Variants in SNTG1 observed in about 807,000 individuals in gnomAD.
The protein encoded by SNTG1 is syntrophin gamma 1.
In SNTG1, 39 loss-of-function variants were observed where a neutral mutation model predicts 74.7. The observed-to-expected ratio is 0.52, with a 90% CI of 0.40 to 0.68. The LOEUF is 0.68. Among genes scored for constraint, SNTG1 ranks in the 30% least tolerant of loss-of-function variants. The pLI is 0.00. For synonymous variants in SNTG1, 254 were observed against 217.1 expected (o/e 1.17, Z -1.49); for missense variants, 685 against 609.5 (o/e 1.12, Z -1.30).
At chr8:50,725,312 C>G (rs1290995988) in intron 17 of SNTG1, among the ~76,000 whole-genome samples, 1 of 152,134 alleles carries the variant, frequency 6.6e-6, no homozygotes, top group African/African-American at 2.4e-5. Context: ...TGTGCAATTG[C>G]ATACTTCTTA....
At chr8:50,380,395 G>T (rs957951323) in intron 2 of SNTG1, among the ~76,000 whole-genome samples, 1 of 152,170 alleles carries the variant, frequency 6.6e-6, no homozygotes, top group Non-Finnish European at 1.5e-5. Flanking sequence ...CACACAAAGA[G>T]ATAGGAGATA....
At chr8:50,276,855 TGA>T (rs1191293749) in intron 2 of SNTG1, among the ~76,000 whole-genome samples, 1 of 152,086 alleles carries the variant, frequency 6.6e-6, no homozygotes, top group African/African-American at 2.4e-5. Flanking sequence ...TTCTTTTTTT[TGA>T]GATGGAGTCT....
Position 50,002,286 on chromosome 8 carries a change from A to AT in SNTG1, c.-103+90062dup, listed in dbSNP as rs993278508. On this transcript the variant is annotated intron_variant, in intron 1 of 18. Coordinates refer to ENST00000642720, the MANE Select transcript of SNTG1 (RefSeq NM_018967.5). ...TTTAGCCATCGGCATAGTCCACTGTATTTTTTTCTTTCTGATTTTCCTTAA... is the reference window on the plus strand; with the variant it reads ...TTTAGCCATCGGCATAGTCCACTGTATTTTTTTTCTTTCTGATTTTCCTTAA... 3.1e-4 allele frequency among the ~76,000 whole-genome samples: 47 copies of AT among 152,036 alleles called. 1 individual carries two copies. Among genetic ancestry groups the AT allele is most frequent in the African/African-American group, 1.0e-3 (43 of 41,474 alleles).
At chr8:49,940,000 G>A (rs1808537451) in intron 1 of SNTG1, among the ~76,000 whole-genome samples, 1 of 152,164 alleles carries the variant, frequency 6.6e-6, no homozygotes, top group African/African-American at 2.4e-5. Flanking sequence ...ATACATGAGA[G>A]GATATTTGAA....
intron 2 of SNTG1, among the ~76,000 whole-genome samples, chr8:50,174,323 A>T (rs1586585780): frequency 6.6e-6 from 1 of 152,164 alleles, no homozygotes; most frequent in Non-Finnish European, 1.5e-5. Context: ...TTTATAGCAG[A>T]ATGATTCCTA....
chr8:50,163,582 T>C (rs948156979), intron 1 of SNTG1: 5 of 151,932 alleles, frequency 3.3e-5, no homozygotes, highest in African/African-American at 1.2e-4. Context: ...GTTCAAGTGA[T>C]TCTCCTGCCA....
chr8:50,631,935 T>G (rs559883887), intron 13 of SNTG1, among the ~76,000 whole-genome samples: 1 of 152,246 alleles, frequency 6.6e-6, no homozygotes, highest in Non-Finnish European at 1.5e-5. Context: ...ACGTCTGCTA[T>G]ATTTTACTAG....
rs114304562 is a variant in SNTG1, at chr8:50,434,838, T to C, written c.163-3705T>C. Among the ~76,000 whole-genome samples, 1,021 of 152,288 alleles carry C rather than the reference T, an allele frequency of 6.7e-3. 16 individuals carry two copies. Among genetic ancestry groups the C allele is most frequent in the African/African-American group, 0.024 (977 of 41,566 alleles). The stretch of plus-strand genomic sequence containing the variant: ...CTCTATTTTCTTTCCATTATTGTTC[T>C]ACAAACAATAATGTATTGGTTTCTG... On this transcript the variant is annotated intron_variant, in intron 4 of 18. Transcript: ENST00000642720.
intron 2 of SNTG1, among the ~76,000 whole-genome samples, chr8:50,366,344 G>A (rs888343656): frequency 1.3e-5 from 2 of 152,110 alleles, no homozygotes; most frequent in Non-Finnish European, 2.9e-5. Flanking sequence ...TTACCCAATA[G>A]CCTTTTTACT....
intron 9 of SNTG1, among the ~76,000 whole-genome samples, chr8:50,514,637 G>C (rs560098845): frequency 6.6e-6 from 1 of 152,078 alleles, no homozygotes; most frequent in African/African-American, 2.4e-5. Flanking sequence ...GATTTGTTTT[G>C]TGACCACATA....
intron 13 of SNTG1, among the ~76,000 whole-genome samples, chr8:50,593,717 C>CTTTTTTTTTT (rs1183759564): frequency 2.4e-4 from 33 of 136,058 alleles, no homozygotes; most frequent in African/African-American, 8.7e-4. Context: ...TGATTTGGTT[C>CTTTTTTTTTT]TTTTTTTTTT....
At chr8:50,089,260 A>G (rs2079619106) in intron 1 of SNTG1, among the ~76,000 whole-genome samples, 1 of 152,194 alleles carries the variant, frequency 6.6e-6, no homozygotes, top group South Asian at 2.1e-4. Context: ...TTAATTCAAG[A>G]TGGATTAAAG....
intron 2 of SNTG1, among the ~76,000 whole-genome samples, chr8:50,370,931 T>G (rs1047223008): frequency 6.6e-6 from 1 of 152,192 alleles, no homozygotes; most frequent in Non-Finnish European, 1.5e-5. Flanking sequence ...ATGATCTCCC[T>G]AAGCTGAGAT....
intron 1 of SNTG1, among the ~76,000 whole-genome samples, chr8:49,975,098 G>C (rs1029381821): frequency 1.3e-5 from 2 of 152,122 alleles, no homozygotes; most frequent in African/African-American, 4.8e-5. Context: ...GCGAATCATG[G>C]CTCTCTTCCA....
intron 5 of SNTG1, among the ~76,000 whole-genome samples, chr8:50,441,942 A>G (rs1234562154): frequency 6.6e-6 from 1 of 152,236 alleles, no homozygotes. Flanking sequence ...TAAAAGGTAA[A>G]GACCAAAATT....
chr8:50,718,901 TGAG>T (rs1398320843), intron 17 of SNTG1, among the ~76,000 whole-genome samples: 2 of 152,194 alleles, frequency 1.3e-5, no homozygotes. Flanking sequence ...CAGACAACCT[TGAG>T]GAGAACAGAG....
intron 1 of SNTG1, among the ~76,000 whole-genome samples, chr8:49,927,102 T>C (rs189533851): frequency 6.6e-6 from 1 of 152,166 alleles, no homozygotes; most frequent in African/African-American, 2.4e-5. Context: ...ACACTGACAA[T>C]ACAAAATGTT....
At chr8:50,681,406 C>A (rs2095330357) in intron 15 of SNTG1, among the ~76,000 whole-genome samples, 1 of 151,834 alleles carries the variant, frequency 6.6e-6, no homozygotes, top group Non-Finnish European at 1.5e-5. Context: ...TTTTCATAAT[C>A]CATTTTTCCA....
rs555079104 is a variant in SNTG1 at position 50,719,203 on chromosome 8, C to T, written c.1284+10225C>T. Reference sequence around the variant, plus strand: ...TGAATGAATGTGTTCCTTCAAAATTCATACATTAGAACCTAATACCTCATG... The same window carrying T: ...TGAATGAATGTGTTCCTTCAAAATTTATACATTAGAACCTAATACCTCATG... On this transcript the variant is annotated intron_variant, in intron 17 of 18. Coordinates refer to ENST00000642720, the MANE Select transcript of SNTG1 (RefSeq NM_018967.5). Among the ~76,000 whole-genome samples, 32 of 152,242 alleles carry T rather than the reference C, an allele frequency of 2.1e-4. 1 individual carries two copies. Among genetic ancestry groups the T allele is most frequent in the African/African-American group, 7.0e-4 (29 of 41,536 alleles).
Sources: allele counts gnomAD v4.1 joint callset (sites outside exome capture counted in the v4.1 genomes callset), GRCh38; gene constraint gnomAD v4.1.1; transcripts MANE v1.5; gene names NCBI Gene and HGNC (gene_info 2026-07-23, HGNC 2026-07-21).